CYB5RL: variants seen among roughly 807,000 people sequenced by gnomAD.
CYB5RL encodes NADH-cytochrome b5 reductase-like.
A neutral mutation model predicts 37.5 loss-of-function variants in CYB5RL; 38 were observed. The observed-to-expected ratio is 1.01, with a 90% CI of 0.78 to 1.33. The LOEUF (loss-of-function observed/expected upper bound fraction) is 1.33. CYB5RL is among the 40% of genes most tolerant of loss of function. CYB5RL has a pLI of 0.00. For synonymous variants in CYB5RL, 141 were observed against 151.9 expected (o/e 0.93, Z 0.53); for missense variants, 388 against 394.4 (o/e 0.98, Z 0.14).
At position 54,181,044 on chromosome 1, in the gene CYB5RL, A is replaced by C. The variant is rs182256102; in HGVS notation, c.541-1692T>G. On this transcript the variant is annotated intron_variant, in intron 6 of 7. Coordinates refer to ENST00000534324, the MANE Select transcript of CYB5RL (RefSeq NM_001031672.4). ...AACAAAACAAAACAAACAAAAAAGA[A>C]AACTGCCTGGTGCAGATCCAATTAG... is the stretch of plus-strand genomic sequence containing the variant. 2.8e-3 allele frequency among the ~76,000 whole-genome samples: 432 copies of C among 152,232 alleles called. 4 individuals are homozygous for C. Among genetic ancestry groups the C allele is most frequent in the South Asian group, 1.9e-3 (9 of 4,818 alleles).
At chr1:54,190,425 G>A in intron 4 of CYB5RL, 1 of 551,064 alleles carries the variant, frequency 1.8e-6, no homozygotes, top group Non-Finnish European at 3.2e-6. Context: ...CAAGTTTCTG[G>A]ACCTCTCTTA....
In CYB5RL at chr1:54,174,227, C is replaced by T. The variant is rs1257270769; in HGVS notation, c.*392G>A. On this transcript the variant is annotated 3_prime_UTR_variant, in exon 8 of 8. Coordinates refer to ENST00000534324, the MANE Select transcript of CYB5RL (RefSeq NM_001031672.4). ...CCCCTAATCCGAGATGGTGCTGAGG[C>T]CACAGTTGGAGCCCCCATTAGATCC... 1 of 257,690 alleles carries T rather than the reference C, an allele frequency of 3.9e-6. No homozygotes were observed. Among genetic ancestry groups the T allele is most frequent in the Non-Finnish European group, 7.7e-6 (1 of 129,092 alleles). 16.0% of individuals were successfully genotyped at this position (257,690 alleles called of 1,614,324 possible).
At chr1:54,174,970 T>A (rs1639003471) in intron 7 of CYB5RL, 148 bp from the exon 8 acceptor site, 4 of 743,410 alleles carry the variant, frequency 5.4e-6, no homozygotes, top group South Asian at 1.8e-5. Flanking sequence ...GGCCAGGCAT[T>A]TCCTCCTTAT....
At chr1:54,199,878 A>G in intron 1 of CYB5RL, 98 bp downstream of exon 1, 1 of 229,386 alleles carries the variant, frequency 4.4e-6, no homozygotes, top group East Asian at 9.9e-5. Context: ...CAGAAAGGGA[A>G]GTGCCTTCCC....
chr1:54,198,027 C>CAAAAAAAAAAAAAAAAA (rs575486117), intron 1 of CYB5RL, among the ~76,000 whole-genome samples: 3 of 78,514 alleles, frequency 3.8e-5, no homozygotes, highest in African/African-American at 5.7e-5. Flanking sequence ...GACTCTGTCT[C>CAAAAAAAAAAAAAAAAA]AAAAAAAAAA....
At position 54,172,939 on chromosome 1, in the gene CYB5RL, T is replaced by C. The variant is rs1659928454; in HGVS notation, c.*1680A>G. On this transcript the variant is annotated 3_prime_UTR_variant, in exon 8 of 8. Coordinates refer to ENST00000534324, the MANE Select transcript of CYB5RL (RefSeq NM_001031672.4). ...CAGTCAGGGCCTTTCCCACTCACTA[T>C]ACTGTGCTAGAAAGAGGCTACGAAA... The C allele has an allele frequency of 6.6e-6, 1 of 152,248 alleles. No homozygotes were observed. The highest frequency in any genetic ancestry group is 1.5e-5 in the Non-Finnish European group (1 of 68,056). The allele number at this position is 152,248 out of a possible 1,614,324, so 9.4% of individuals were successfully genotyped here. A position where few individuals can be genotyped will look rare whatever the true frequency, so the allele number is the denominator to read the frequency against.
chr1:54,190,047 G>A (rs1643935523), intron 4 of CYB5RL, among the ~76,000 whole-genome samples: 1 of 152,228 alleles, frequency 6.6e-6, no homozygotes, highest in African/African-American at 2.4e-5. Flanking sequence ...CATGCCTGCA[G>A]CTCAGATCTC....
In CYB5RL at chr1:54,179,232, T is replaced by C; in HGVS notation, c.661A>G (p.Thr221Ala). 1 of 1,613,682 alleles carries C rather than the reference T, an allele frequency of 6.2e-7. No homozygotes were observed. Among genetic ancestry groups the C allele is most frequent in the South Asian group, 1.1e-5 (1 of 90,956 alleles). Reference protein sequence around the residue: ...TFVTLVGCFKTFESIYLKTFL... With the variant: ...TFVTLVGCFKAFESIYLKTFL... ...GTTTTCAGGTAGATGCTCTCAAAGGTCTTGAAGCAACCGACCAGAGTGACA... is the reference window on the plus strand; with the variant it reads ...GTTTTCAGGTAGATGCTCTCAAAGGCCTTGAAGCAACCGACCAGAGTGACA... The change falls in exon 7 of 8, where the codon ACC becomes GCC. Residue 221 changes from threonine to alanine, a missense_variant. Coordinates refer to ENST00000534324, the MANE Select transcript of CYB5RL (RefSeq NM_001031672.4).
At chr1:54,183,996 T>C (rs970662400) in intron 6 of CYB5RL, 165 bp downstream of exon 6, 10 of 425,534 alleles carry the variant, frequency 2.3e-5, no homozygotes, top group Non-Finnish European at 3.3e-5. Context: ...AATAAATAAA[T>C]AAATAAATAA....
intron 1 of CYB5RL, among the ~76,000 whole-genome samples, chr1:54,196,875 G>GA (rs2100488880): frequency 6.6e-6 from 1 of 152,304 alleles, no homozygotes; most frequent in East Asian, 1.9e-4. Flanking sequence ...TGAGGACTGA[G>GA]ACCTGCAGCT....
chr1:54,174,818 C>A lies in CYB5RL; in HGVS notation c.749G>T (p.Ser250Ile). Reference protein sequence around the residue: ...VRTFFVLSQESSSEQLPWSYQ... With the variant: ...VRTFFVLSQEISSEQLPWSYQ... ...ACTCCAGGGAAGCTGCTCTGAGGAG[C>A]TCTCCTGGGAAGACAAGAAAGGCAT... is the stretch of plus-strand genomic sequence containing the variant. The change falls in exon 8 of 8, where the codon AGC becomes ATC. Residue 250 changes from serine to isoleucine, a missense_variant. Transcript: ENST00000534324. 6.2e-7 allele frequency: 1 copy of A among 1,612,610 alleles called. No individual in the cohort carries two copies. Among genetic ancestry groups the A allele is most frequent in the Non-Finnish European group, 8.5e-7 (1 of 1,179,834 alleles).
At chr1:54,187,804 G>A (rs370681771) in intron 4 of CYB5RL, 65 bp from the exon 5 acceptor site, 14 of 1,417,520 alleles carry the variant, frequency 9.9e-6, no homozygotes, top group African/African-American at 4.2e-5. Flanking sequence ...GGCTGGGCAC[G>A]GTGGCTCATG....
chr1:54,186,252 AATG>A (rs1457009396), intron 5 of CYB5RL: 1 of 152,256 alleles, frequency 6.6e-6, no homozygotes, highest in Non-Finnish European at 1.5e-5. Flanking sequence ...CCTTGAGACA[AATG>A]ATGTCATCTT....
chr1:54,173,159 C>T lies in CYB5RL; in HGVS notation c.*1460G>A, dbSNP rs999672458. 4 of 152,202 alleles carry T rather than the reference C, an allele frequency of 2.6e-5. 1 individual carries two copies. The highest frequency in any genetic ancestry group is 6.3e-3 in the Middle Eastern group (2 of 316). 9.4% of individuals were successfully genotyped at this position (152,202 alleles called of 1,614,324 possible). ...TGCCTGTGAGGCGGTCTGAAACCTC[C>T]AGCACCACCCCCCAGCTATGTGTCA... On this transcript the variant is annotated 3_prime_UTR_variant, in exon 8 of 8. Transcript: ENST00000534324.
In CYB5RL at chr1:54,195,464, G is replaced by C. The variant is rs1166829552; in HGVS notation, c.153C>G (p.Ala51=). 6.2e-7 allele frequency: 1 copy of C among 1,612,200 alleles called. No individual in the cohort carries two copies. Among genetic ancestry groups the C allele is most frequent in the Admixed American group, 1.7e-5 (1 of 59,956 alleles). ...YHRDLARWEA[A]QASKDRSLLR... ...GCAGGCTCCTGTCCTTGCTGGCTTG[G>C]GCTGCCTCCCACCTTGCCAGATCTC... Residue 51 remains alanine (A), a synonymous_variant, in exon 3 of 8, where the codon GCC becomes GCG. Transcript: ENST00000534324.
At chr1:54,182,737 G>A (rs1033850055) in intron 6 of CYB5RL, among the ~76,000 whole-genome samples, 1 of 152,028 alleles carries the variant, frequency 6.6e-6, no homozygotes, top group Admixed American at 6.6e-5. Context: ...ATTTTTAGTA[G>A]AGACAGGATT....
intron 1 of CYB5RL, among the ~76,000 whole-genome samples, chr1:54,197,965 C>T (rs1357090097): frequency 2.9e-5 from 4 of 137,210 alleles, no homozygotes; most frequent in East Asian, 2.4e-4. Context: ...GAGGCGGAGG[C>T]TGCAGTGAGC....
chr1:54,171,131 C>T lies in CYB5RL; in HGVS notation c.*3488G>A, dbSNP rs1024822233. The T allele has an allele frequency of 1.1e-5, 5 of 455,676 alleles. No individual in the cohort carries two copies. The highest frequency in any genetic ancestry group is 9.4e-5 in the Admixed American group (4 of 42,520). The allele number at this position is 455,676 out of a possible 1,614,324, so 28.2% of individuals were successfully genotyped here. On this transcript the variant is annotated 3_prime_UTR_variant, in exon 8 of 8. Coordinates refer to ENST00000534324, the MANE Select transcript of CYB5RL (RefSeq NM_001031672.4). ...GAGTGGAAGAGACAGGCGAGGCTCC[C>T]GGGAGGAAGTGACACTGAGCTGAGA... is the stretch of plus-strand genomic sequence containing the variant.
rs1491116642 is a variant in CYB5RL, at chr1:54,172,374, C to CATGTT, written c.*2240_*2244dup. The CATGTT allele has an allele frequency of 3.9e-5, 3 of 77,166 alleles. No individual in the cohort carries two copies. In the East Asian group the frequency reaches 1.3e-3, roughly 32 times the overall value. 4.8% of individuals were successfully genotyped at this position (77,166 alleles called of 1,614,324 possible). ...TTTTTTTGTAGAGACAGGGTTTTGT[C>CATGTT]ATGTTGGCCAGGCTGGCCTCGAACT... On this transcript the variant is annotated 3_prime_UTR_variant, in exon 8 of 8. Transcript: ENST00000534324.
Sources: gnomAD v4.1 joint callset for allele counts (sites outside exome capture counted in the v4.1 genomes callset) on GRCh38, gnomAD v4.1.1 for gene constraint, MANE v1.5 for transcripts, NCBI Gene and HGNC (gene_info 2026-07-23, HGNC 2026-07-21) for gene names.